SLC25A53: variants seen among roughly 807,000 people sequenced by gnomAD.
SLC25A53 encodes the protein solute carrier family 25 member 53, also known as mitochondrial carrier triple repeat protein 6.
Under a neutral mutation model 15.0 loss-of-function variants are expected in SLC25A53, and 5 were observed. The observed-to-expected ratio is 0.33, with a 90% CI of 0.17 to 0.70. SLC25A53 has a LOEUF of 0.70. Among genes scored for constraint, SLC25A53 ranks in the 30% least tolerant of loss-of-function variants. The pLI, the probability that SLC25A53 is intolerant of heterozygous loss-of-function variation, is 0.67. For synonymous variants in SLC25A53, 95 were observed against 100.0 expected, an observed-to-expected ratio of 0.95 and a Z score of 0.30; for missense variants, 216 against 241.6, an observed-to-expected ratio of 0.89 and a Z score of 0.70.
chrX:104,113,380 AGG>A (rs1556359935), intron 1 of SLC25A53: 1 of 110,821 alleles, frequency 9.0e-6, no homozygotes, highest in Non-Finnish European at 1.9e-5. Flanking sequence ...GGGAGGTATC[AGG>A]TTTTCAGATG....
intron 1 of SLC25A53, among the ~76,000 whole-genome samples, chrX:104,116,200 G>A (rs111547964): frequency 5.0e-4 from 55 of 111,026 alleles, no homozygotes; most frequent in African/African-American, 1.8e-3. Flanking sequence ...ACTCCTGCCC[G>A]ATCTCTTGAC....
intron 1 of SLC25A53, among the ~76,000 whole-genome samples, chrX:104,126,310 T>C (rs1389720933): frequency 1.8e-5 from 2 of 108,461 alleles, no homozygotes; most frequent in Non-Finnish European, 3.8e-5. Context: ...TAGGAGGAGA[T>C]AGAAAAGGAA....
chrX:104,104,365 G>A lies in SLC25A53; in HGVS notation c.893C>T (p.Ser298Leu), dbSNP rs1330002703. 1.2e-5 allele frequency: 14 copies of A among 1,209,042 alleles called. No homozygotes were observed. The highest frequency in any genetic ancestry group is 4.4e-5 in the Admixed American group (2 of 45,807). The change falls in exon 2 of 2, where the codon TCG becomes TTG. Residue 298 changes from serine to leucine, a missense_variant. Coordinates refer to ENST00000594199, the MANE Select transcript of SLC25A53 (RefSeq NM_001012755.5). Reference protein sequence around the residue: ...TAIHDFLQRKSHSRKELKTD With the variant: ...TAIHDFLQRKLHSRKELKTD ...AGTCTTCAGCTCTTTCCTGGAGTGC[G>A]ACTTCCTCTGCAGGAAGTCATGGAT... is the stretch of plus-strand genomic sequence containing the variant.
chrX:104,126,752 G>A (rs897406582), intron 1 of SLC25A53, among the ~76,000 whole-genome samples: 5 of 112,330 alleles, frequency 4.5e-5, no homozygotes, highest in African/African-American at 1.6e-4. Flanking sequence ...TGAAAAACAT[G>A]TTCAACATCA....
chrX:104,113,959 T>C, intron 1 of SLC25A53: 1 of 948,881 alleles, frequency 1.1e-6, no homozygotes, highest in Non-Finnish European at 1.4e-6. Context: ...CACAGCCCAC[T>C]ATCTTATTAA....
intron 1 of SLC25A53, chrX:104,114,770 A>G (rs1556360664): frequency 8.3e-7 from 1 of 1,211,790 alleles, no homozygotes; most frequent in Middle Eastern, 2.3e-4. Context: ...AGGGAGGAAG[A>G]GGATTGGGAT....
At chrX:104,115,412 A>T (rs1602492841) in intron 1 of SLC25A53, 1 of 892,334 alleles carries the variant, frequency 1.1e-6, no homozygotes, top group East Asian at 3.4e-5. Flanking sequence ...TTCTAACTGC[A>T]TGAATTAATC....
intron 1 of SLC25A53, among the ~76,000 whole-genome samples, chrX:104,123,027 T>C (rs1349913277): frequency 8.9e-6 from 1 of 112,082 alleles, no homozygotes; most frequent in Non-Finnish European, 1.9e-5. Flanking sequence ...ATTAAATGAA[T>C]GAACACTTGA....
chrX:104,137,609 CTT>C (rs1368911615), intron 1 of SLC25A53, among the ~76,000 whole-genome samples: 1 of 111,641 alleles, frequency 9.0e-6, no homozygotes, highest in East Asian at 2.8e-4. Context: ...AACCTGCACT[CTT>C]TTATCTTTCA....
chrX:104,135,640 G>C (rs782711726), intron 1 of SLC25A53, among the ~76,000 whole-genome samples: 1 of 110,978 alleles, frequency 9.0e-6, no homozygotes, highest in Non-Finnish European at 1.9e-5. Context: ...CTCCCTGCCT[G>C]CCTCCACTCA....
At chrX:104,122,332 C>CA (rs1476975605) in intron 1 of SLC25A53, among the ~76,000 whole-genome samples, 1 of 78,299 alleles carries the variant, frequency 1.3e-5, no homozygotes, top group Non-Finnish European at 2.3e-5. Context: ...TTTTTTGAGA[C>CA]AGAGTCTCGC....
At chrX:104,123,737 G>A (rs1055446420) in intron 1 of SLC25A53, among the ~76,000 whole-genome samples, 3 of 109,550 alleles carry the variant, frequency 2.7e-5, no homozygotes, top group East Asian at 5.7e-4. Flanking sequence ...AACAGGCCCC[G>A]TTGTGTGATG....
intron 1 of SLC25A53, among the ~76,000 whole-genome samples, chrX:104,106,597 A>G (rs2075311551): frequency 9.0e-6 from 1 of 111,264 alleles, no homozygotes; most frequent in African/African-American, 3.3e-5. Context: ...TTGGGACTCT[A>G]ATTAAGCTAG....
At chrX:104,114,492 T>A (rs782179406) in intron 1 of SLC25A53, 2 of 1,211,810 alleles carry the variant, frequency 1.7e-6, no homozygotes, top group Non-Finnish European at 2.2e-6. Flanking sequence ...CTGAAAGCAG[T>A]GTGACTGCCC....
chrX:104,139,160 T>A (rs979539685), intron 1 of SLC25A53, among the ~76,000 whole-genome samples: 6 of 112,742 alleles, frequency 5.3e-5, no homozygotes, highest in African/African-American at 1.9e-4. Flanking sequence ...TCCCTATCAG[T>A]TGCAGTGAGC....
At chrX:104,154,680 T>C (rs2075495188) in intron 1 of SLC25A53, among the ~76,000 whole-genome samples, 1 of 112,199 alleles carries the variant, frequency 8.9e-6, no homozygotes, top group Non-Finnish European at 1.9e-5. Context: ...TGTCCATTGA[T>C]GAGCCTGGAG....
chrX:104,133,234 A>G (rs1338507339), intron 1 of SLC25A53, among the ~76,000 whole-genome samples: 2 of 112,266 alleles, frequency 1.8e-5, no homozygotes, highest in Non-Finnish European at 3.8e-5. Context: ...AATGTAACCT[A>G]TACCAAAGAA....
At chrX:104,120,092 C>A (rs184739451) in intron 1 of SLC25A53, among the ~76,000 whole-genome samples, 2 of 112,018 alleles carry the variant, frequency 1.8e-5, no homozygotes, top group East Asian at 5.6e-4. Context: ...TTCCATTCTA[C>A]GACTTTACAA....
intron 1 of SLC25A53, among the ~76,000 whole-genome samples, chrX:104,148,615 T>G (rs2075476109): frequency 1.8e-5 from 2 of 109,697 alleles, no homozygotes; most frequent in Admixed American, 2.0e-4. Context: ...TTCTCACTCA[T>G]AGGTGGGAAC....
Sources: gnomAD v4.1 joint callset for allele counts (sites outside exome capture counted in the v4.1 genomes callset) on GRCh38, gnomAD v4.1.1 for gene constraint, MANE v1.5 for transcripts, NCBI Gene and HGNC (gene_info 2026-07-23, HGNC 2026-07-21) for gene names.